Variants in GRM1 observed in about 807,000 individuals in gnomAD.
GRM1 encodes metabotropic glutamate receptor 1.
Under a neutral mutation model 90.9 loss-of-function variants are expected in GRM1, and 33 were observed. That is an observed-to-expected ratio of 0.36 (90% confidence interval 0.28 to 0.49). GRM1 has a LOEUF of 0.49. Among genes scored for constraint, GRM1 ranks in the 20% least tolerant of loss-of-function variants. GRM1 has a pLI of 0.99. For missense variants in GRM1, 1,190 were observed against 1,534.3 expected, an observed-to-expected ratio of 0.78 and a Z score of 3.75; for synonymous variants, 700 against 613.2, an observed-to-expected ratio of 1.14 and a Z score of -2.09.
At chr6:146,196,492 A>C (rs558649806) in intron 2 of GRM1, among the ~76,000 whole-genome samples, 45 of 121,418 alleles carry the variant, frequency 3.7e-4, no homozygotes, top group African/African-American at 1.5e-3. Context: ...TTTTTAGTAG[A>C]GACGGGGTTT....
intron 2 of GRM1, among the ~76,000 whole-genome samples, chr6:146,274,284 A>G (rs1490258428): frequency 6.6e-6 from 1 of 152,202 alleles, no homozygotes; most frequent in Non-Finnish European, 1.5e-5. Flanking sequence ...AATTAACATA[A>G]TTTTTAAAAA....
At chr6:146,333,273 T>C (rs924638413) in intron 3 of GRM1, among the ~76,000 whole-genome samples, 5 of 152,124 alleles carry the variant, frequency 3.3e-5, no homozygotes, top group African/African-American at 9.7e-5. Context: ...CTTCCTCATA[T>C]GGGTGCAAAC....
chr6:146,147,495 C>T (rs1206577587), intron 1 of GRM1, among the ~76,000 whole-genome samples: 2 of 152,154 alleles, frequency 1.3e-5, no homozygotes, highest in African/African-American at 2.4e-5. Context: ...GATCACAAGG[C>T]ATTTGTGTTT....
At chr6:146,088,863 A>T (rs1776629116) in intron 1 of GRM1, among the ~76,000 whole-genome samples, 2 of 152,064 alleles carry the variant, frequency 1.3e-5, no homozygotes, top group Non-Finnish European at 2.9e-5. Context: ...TACATCCCTA[A>T]TGTATTATTT....
At position 146,398,801 on chromosome 6, in the gene GRM1, T is replaced by A; in HGVS notation, c.1762T>A (p.Trp588Arg). The change falls in exon 7 of 8, where the codon TGG (tryptophan) becomes AGG (arginine). Residue 588 changes from tryptophan (W) to arginine (R), a missense_variant. Around this residue, in one of 10 missense-constraint regions of GRM1, gnomAD observed 414 missense variants for 598.4 expected, o/e 0.69. Coordinates refer to ENST00000282753, the MANE Select transcript of GRM1 (RefSeq NM_001278064.2). ...CEPIPVRYLE[W>R]SNIESIIAIA... Reference sequence around the variant, plus strand: ...GCCCATTCCTGTGCGCTATCTTGAGTGGAGCAACATCGAATCCATTATAGC... The same window carrying A: ...GCCCATTCCTGTGCGCTATCTTGAGAGGAGCAACATCGAATCCATTATAGC... 6.2e-7 allele frequency: 1 copy of A among 1,613,632 alleles called. No homozygotes were observed. The highest frequency in any genetic ancestry group is 8.5e-7 in the Non-Finnish European group (1 of 1,179,586).
At position 146,235,701 on chromosome 6, in the gene GRM1, CGTGTGTGTGTGTGTGTGTGT is replaced by C. The variant is rs71028383; in HGVS notation, c.951-68885_951-68866del. On this transcript the variant is annotated intron_variant, in intron 2 of 7. Transcript: ENST00000282753. ...TCAAAGACATTTTCATCTCTGTTAC[CGTGTGTGTGTGTGTGTGTGT>C]GTGTGTGTGTGTGTGTGTGTGTGTT... Among the ~76,000 whole-genome samples, 4 of 102,858 alleles carry C rather than the reference CGTGTGTGTGTGTGTGTGTGT, an allele frequency of 3.9e-5. No homozygotes were observed. In the East Asian group the frequency reaches 1.1e-3, roughly 28 times the overall value. 67.5% of individuals were successfully genotyped at this position (102,858 alleles called of 152,430 possible).
chr6:146,302,899 AG>A (rs1406472029), intron 2 of GRM1, among the ~76,000 whole-genome samples: 1 of 151,424 alleles, frequency 6.6e-6, no homozygotes, highest in Non-Finnish European at 1.5e-5. Flanking sequence ...GAAGGGAGGA[AG>A]GGAGGGAGGG....
At chr6:146,170,088 G>A (rs1778053835) in intron 2 of GRM1, among the ~76,000 whole-genome samples, 1 of 152,004 alleles carries the variant, frequency 6.6e-6, no homozygotes, top group Non-Finnish European at 1.5e-5. Flanking sequence ...TGGTGAATAT[G>A]TCATTCAACT....
chr6:146,347,289 G>C (rs1224632967), intron 3 of GRM1, among the ~76,000 whole-genome samples: 1 of 152,134 alleles, frequency 6.6e-6, no homozygotes, highest in Non-Finnish European at 1.5e-5. Context: ...CTGCCTAATA[G>C]GGAGTGCCTG....
intron 2 of GRM1, among the ~76,000 whole-genome samples, chr6:146,272,486 A>G (rs73783679): frequency 0.019 from 2,932 of 152,312 alleles, 38 homozygotes; most frequent in Admixed American, 0.028. Flanking sequence ...GAATAGTAGA[A>G]CTGATAAATA....
At chr6:146,032,602 A>G (rs763939455) in intron 1 of GRM1, among the ~76,000 whole-genome samples, 48 of 152,156 alleles carry the variant, frequency 3.2e-4, no homozygotes, top group Non-Finnish European at 6.5e-4. Flanking sequence ...TCCCTGTCAA[A>G]TAGCAGAGAA....
At chr6:146,382,948 A>AGGCATG (rs1776370118) in intron 5 of GRM1, among the ~76,000 whole-genome samples, 1 of 152,124 alleles carries the variant, frequency 6.6e-6, no homozygotes, top group Admixed American at 6.5e-5. Flanking sequence ...AAGAAATTAG[A>AGGCATG]GGCATGGTAT....
At chr6:146,090,262 A>G (rs1476093133) in intron 1 of GRM1, among the ~76,000 whole-genome samples, 1 of 152,100 alleles carries the variant, frequency 6.6e-6, no homozygotes, top group East Asian at 1.9e-4. Flanking sequence ...CATGATGCCA[A>G]TAGGTTAATT....
In GRM1 at chr6:146,071,116, A is replaced by G. The variant is rs1776004554; in HGVS notation, c.700+40899A>G. On this transcript the variant is annotated intron_variant, in intron 1 of 7. Transcript: ENST00000282753. ...CATCTTGGTCTGCTTCTTTGCATCAAGTTTATTATTACATTGACAGGAATT... is the reference window on the plus strand; with the variant it reads ...CATCTTGGTCTGCTTCTTTGCATCAGGTTTATTATTACATTGACAGGAATT... Among the ~76,000 whole-genome samples the G allele has an allele frequency of 2.6e-5, 4 of 152,066 alleles. No homozygotes were observed. The South Asian group carries it at 8.3e-4, about 31-fold the overall frequency.
chr6:146,384,047 T>C (rs937893924), intron 5 of GRM1, among the ~76,000 whole-genome samples: 20 of 152,146 alleles, frequency 1.3e-4, no homozygotes, highest in African/African-American at 4.8e-4. Flanking sequence ...AATTTCCTGA[T>C]GGTTGTTCAT....
chr6:146,066,945 ATATT>A (rs1445320116), intron 1 of GRM1, among the ~76,000 whole-genome samples: 5 of 152,206 alleles, frequency 3.3e-5, no homozygotes, highest in Admixed American at 3.3e-4. Context: ...AAATGTTAAC[ATATT>A]TATTCAGTTC....
intron 2 of GRM1, among the ~76,000 whole-genome samples, chr6:146,216,541 G>A (rs776581483): frequency 2.0e-5 from 3 of 152,030 alleles, no homozygotes; most frequent in Non-Finnish European, 4.4e-5. Context: ...GTCTTCTTTG[G>A]CCTCCAGTGG....
chr6:146,245,111 TTTAACGACTC>T (rs1469911953), intron 2 of GRM1, among the ~76,000 whole-genome samples: 3 of 152,196 alleles, frequency 2.0e-5, no homozygotes, highest in Non-Finnish European at 4.4e-5. Flanking sequence ...CTGTTTACAC[TTTAACGACTC>T]CCAATGGGAG....
intron 5 of GRM1, among the ~76,000 whole-genome samples, chr6:146,362,476 G>A (rs1775516150): frequency 6.6e-6 from 1 of 151,860 alleles, no homozygotes; most frequent in South Asian, 2.1e-4. Context: ...TCAGGAGATC[G>A]AGACAATCCT....
Sources: allele counts gnomAD v4.1 joint callset (sites outside exome capture counted in the v4.1 genomes callset), GRCh38; gene constraint gnomAD v4.1.1; regional missense constraint gnomAD v4.1.1; transcripts MANE v1.5; gene names NCBI Gene and HGNC (gene_info 2026-07-23, HGNC 2026-07-21).